Variants in DACH2 observed in about 807,000 individuals in gnomAD.
DACH2 encodes the protein dachshund family transcription factor 2, also known as dachshund homolog 2.
DACH2 carries 17 observed loss-of-function variants against 35.8 expected under a neutral mutation model. The ratio of observed to expected loss-of-function variants is 0.48; its 90% CI spans 0.33 to 0.71. The LOEUF is 0.71. DACH2 is among the 30% of genes least tolerant of loss of function. DACH2 has a pLI of 0.02. For missense variants in DACH2, 469 were observed against 472.7 expected (o/e 0.99, Z 0.07); for synonymous variants, 195 against 177.3 (o/e 1.10, Z -0.79).
chrX:86,449,788 C>A (rs776570074), intron 2 of DACH2, among the ~76,000 whole-genome samples: 80 of 111,338 alleles, frequency 7.2e-4, no homozygotes, highest in Non-Finnish European at 1.4e-3. Context: ...TTAATCCCTC[C>A]CCCAGCTTGA....
At chrX:86,449,351 G>A (rs1240845475) in intron 2 of DACH2, among the ~76,000 whole-genome samples, 1 of 102,527 alleles carries the variant, frequency 9.8e-6, no homozygotes, top group Non-Finnish European at 2.0e-5. Context: ...TTTTGAATGT[G>A]TTTGCTCTTG....
chrX:86,711,280 G>A (rs1375545517), intron 5 of DACH2, among the ~76,000 whole-genome samples: 1 of 111,397 alleles, frequency 9.0e-6, no homozygotes, highest in African/African-American at 3.3e-5. Context: ...GGGAGGGTGA[G>A]GCAGGAGAAT....
At chrX:86,398,810 C>G (rs756541827) in intron 2 of DACH2, among the ~76,000 whole-genome samples, 178 of 111,551 alleles carry the variant, frequency 1.6e-3, no homozygotes, top group South Asian at 8.6e-3. Context: ...TTACTTCCAA[C>G]TATGTGGTCA....
At chrX:86,675,565 T>C (rs1047597153) in intron 4 of DACH2, among the ~76,000 whole-genome samples, 3 of 110,554 alleles carry the variant, frequency 2.7e-5, no homozygotes, top group Admixed American at 1.9e-4. Context: ...ACGCCTATAG[T>C]CTCAGCTTCT....
chrX:86,667,616 G>T (rs1421703070), intron 4 of DACH2, among the ~76,000 whole-genome samples: 2 of 108,198 alleles, frequency 1.8e-5, no homozygotes, highest in African/African-American at 3.4e-5. Context: ...AAGAAAGAAA[G>T]GCAGGCAGGC....
intron 3 of DACH2, among the ~76,000 whole-genome samples, chrX:86,635,776 C>G (rs2040257824): frequency 9.0e-6 from 1 of 111,397 alleles, no homozygotes; most frequent in Non-Finnish European, 1.9e-5. Context: ...CAGTCTCATT[C>G]ACAATTGCCA....
intron 1 of DACH2, among the ~76,000 whole-genome samples, chrX:86,227,216 T>C (rs2032843745): frequency 9.1e-6 from 1 of 110,276 alleles, no homozygotes; most frequent in Non-Finnish European, 1.9e-5. Context: ...GTGTAAATTA[T>C]CTTTCATGTG....
At chrX:86,593,172 T>C (rs1375205705) in intron 3 of DACH2, among the ~76,000 whole-genome samples, 4 of 110,746 alleles carry the variant, frequency 3.6e-5, no homozygotes, top group Non-Finnish European at 5.7e-5. Context: ...ATGTTCTTTA[T>C]CAAGTTGAAT....
intron 2 of DACH2, among the ~76,000 whole-genome samples, chrX:86,468,099 T>C (rs1220195771): frequency 8.9e-6 from 1 of 111,890 alleles, no homozygotes; most frequent in African/African-American, 3.2e-5. Context: ...TGAAAATGAA[T>C]GATTCAAAAG....
chrX:86,211,754 A>G (rs2032451199), intron 1 of DACH2, among the ~76,000 whole-genome samples: 1 of 111,750 alleles, frequency 8.9e-6, no homozygotes, highest in African/African-American at 3.2e-5. Flanking sequence ...TTAAATTTAA[A>G]TTTGGTACTT....
At chrX:86,797,468 A>G (rs898957372) in intron 7 of DACH2, among the ~76,000 whole-genome samples, 1 of 110,912 alleles carries the variant, frequency 9.0e-6, no homozygotes. Context: ...ATGAGAAAAA[A>G]ATTCTCAAGT....
chrX:86,703,444 G>T (rs1163073194), intron 5 of DACH2, among the ~76,000 whole-genome samples: 2 of 110,675 alleles, frequency 1.8e-5, no homozygotes, highest in Admixed American at 9.7e-5. Context: ...GAGAAAGAAA[G>T]AAAAGACATA....
intron 3 of DACH2, among the ~76,000 whole-genome samples, chrX:86,625,966 C>T (rs2148382871): frequency 9.0e-6 from 1 of 111,284 alleles, no homozygotes; most frequent in African/African-American, 3.3e-5. Flanking sequence ...AATCTCATGT[C>T]CTCACATTTC....
intron 2 of DACH2, among the ~76,000 whole-genome samples, chrX:86,426,262 G>A (rs2036892287): frequency 1.8e-5 from 2 of 110,643 alleles, no homozygotes; most frequent in Non-Finnish European, 3.8e-5. Flanking sequence ...TGCTACATAC[G>A]TGCACACCTA....
At chrX:86,644,187 G>C (rs1273023252) in intron 3 of DACH2, among the ~76,000 whole-genome samples, 1 of 110,326 alleles carries the variant, frequency 9.1e-6, no homozygotes, top group Non-Finnish European at 1.9e-5. Context: ...TCTGTTTGTG[G>C]ACGATATGAT....
At chrX:86,469,176 A>T (rs1385592639) in intron 2 of DACH2, among the ~76,000 whole-genome samples, 2 of 111,270 alleles carry the variant, frequency 1.8e-5, no homozygotes, top group African/African-American at 6.5e-5. Flanking sequence ...ATCACGGAGT[A>T]AAATGGTGGT....
chrX:86,268,282 C>T (rs866663210), intron 1 of DACH2, among the ~76,000 whole-genome samples: 13 of 110,802 alleles, frequency 1.2e-4, no homozygotes, highest in South Asian at 3.7e-4. Context: ...TAATAGTTAA[C>T]GTTCATTGAG....
At chrX:86,697,435 C>T (rs1480290759) in intron 5 of DACH2, among the ~76,000 whole-genome samples, 1 of 111,195 alleles carries the variant, frequency 9.0e-6, no homozygotes, top group East Asian at 2.8e-4. Flanking sequence ...CTATTTACTT[C>T]AGTCTCTCCT....
intron 3 of DACH2, among the ~76,000 whole-genome samples, chrX:86,556,930 G>A (rs1419736263): frequency 9.4e-6 from 1 of 106,454 alleles, no homozygotes; most frequent in Non-Finnish European, 1.9e-5. Flanking sequence ...AGCCAGTGAT[G>A]TAATTCAGTC....
Sources: allele counts gnomAD v4.1 joint callset (sites outside exome capture counted in the v4.1 genomes callset), GRCh38; gene constraint gnomAD v4.1.1; transcripts MANE v1.5; gene names NCBI Gene and HGNC (gene_info 2026-07-23, HGNC 2026-07-21).